Variants in OPCML observed in about 807,000 individuals in gnomAD.
OPCML encodes opioid binding protein/cell adhesion molecule like, also known as opioid-binding protein/cell adhesion molecule.
OPCML carries 13 observed loss-of-function variants against 37.8 expected under a neutral mutation model. The ratio of observed to expected loss-of-function variants is 0.34; its 90% CI spans 0.22 to 0.55. The LOEUF is 0.55. Among genes scored for constraint, OPCML ranks in the 20% least tolerant of loss-of-function variants. The pLI is 0.91. For missense variants in OPCML, 341 were observed against 435.6 expected (o/e 0.78, Z 1.93); for synonymous variants, 176 against 168.8 (o/e 1.04, Z -0.33).
chr11:132,606,306 C>G (rs1344314769), intron 3 of OPCML, among the ~76,000 whole-genome samples: 3 of 152,162 alleles, frequency 2.0e-5, no homozygotes, highest in Admixed American at 2.0e-4. Flanking sequence ...AATTAGCAGC[C>G]CCAGGAACTG....
At chr11:132,519,543 A>T (rs2096287642) in intron 4 of OPCML, among the ~76,000 whole-genome samples, 1 of 152,152 alleles carries the variant, frequency 6.6e-6, no homozygotes, top group South Asian at 2.1e-4. Flanking sequence ...AAATACAGGC[A>T]TATGTGCATG....
chr11:133,291,748 T>A (rs1176322346), intron 1 of OPCML, among the ~76,000 whole-genome samples: 1 of 152,178 alleles, frequency 6.6e-6, no homozygotes, highest in African/African-American at 2.4e-5. Context: ...GAGCACAAAT[T>A]GAACAACATT....
At chr11:132,992,967 C>T (rs1243847883) in intron 1 of OPCML, among the ~76,000 whole-genome samples, 1 of 152,120 alleles carries the variant, frequency 6.6e-6, no homozygotes, top group Non-Finnish European at 1.5e-5. Context: ...TCTTTCATCT[C>T]CGTGTATGGG....
rs377075713 is a variant in OPCML at position 132,858,434 on chromosome 11, C to T, written c.146+84492G>A. ...CCTCCCTTGCTCTGCCTGCAAGAAG[C>T]ACAGATGCCTTTGACAATGATACTT... On this transcript the variant is annotated intron_variant, in intron 2 of 7. Coordinates refer to ENST00000524381, the MANE Select transcript of OPCML (RefSeq NM_001012393.5). Among the ~76,000 whole-genome samples the T allele has an allele frequency of 4.6e-5, 7 of 152,306 alleles. No individual in the cohort carries two copies. In the East Asian group the frequency reaches 1.2e-3, roughly 25 times the overall value.
chr11:132,556,236 C>G (rs2096395302), intron 3 of OPCML, among the ~76,000 whole-genome samples: 1 of 152,140 alleles, frequency 6.6e-6, no homozygotes, highest in African/African-American at 2.4e-5. Flanking sequence ...AGCCACTGTG[C>G]CTGACCAAAA....
chr11:132,833,304 C>G (rs2136283551), intron 2 of OPCML, among the ~76,000 whole-genome samples: 1 of 152,132 alleles, frequency 6.6e-6, no homozygotes, highest in African/African-American at 2.4e-5. Context: ...AAAACTAAGA[C>G]ACAAACACGC....
At chr11:132,711,376 A>G (rs1392354411) in intron 2 of OPCML, among the ~76,000 whole-genome samples, 1 of 152,246 alleles carries the variant, frequency 6.6e-6, no homozygotes, top group Non-Finnish European at 1.5e-5. Flanking sequence ...GTTAAAGAAC[A>G]GATAGAACTG....
Position 133,004,847 on chromosome 11 carries a change from A to G in OPCML, c.62-61837T>C, listed in dbSNP as rs1947075797. 7 of 985,372 alleles carry G rather than the reference A, an allele frequency of 7.1e-6. No homozygotes were observed. In the South Asian group the frequency reaches 2.8e-4, roughly 40 times the overall value. 61.0% of individuals were successfully genotyped at this position (985,372 alleles called of 1,614,324 possible). ...ATCTACGGGAGTCAGTTCAAACACC[A>G]TCCCCAAGACAGAAATCAACGAGCT... On this transcript the variant is annotated intron_variant, in intron 1 of 7. Coordinates refer to ENST00000524381, the MANE Select transcript of OPCML (RefSeq NM_001012393.5).
chr11:132,613,450 G>A (rs1447315104), intron 3 of OPCML, among the ~76,000 whole-genome samples: 1 of 152,186 alleles, frequency 6.6e-6, no homozygotes, highest in Non-Finnish European at 1.5e-5. Context: ...ACAAAACAAA[G>A]CCAGCTAATT....
intron 1 of OPCML, among the ~76,000 whole-genome samples, chr11:133,391,190 A>C (rs142390518): frequency 1.1e-3 from 166 of 152,316 alleles, no homozygotes; most frequent in African/African-American, 3.8e-3. Context: ...GGCCCTGCTG[A>C]GCATCCATGG....
At chr11:133,194,258 G>A (rs901308931) in intron 1 of OPCML, among the ~76,000 whole-genome samples, 1 of 142,116 alleles carries the variant, frequency 7.0e-6, no homozygotes, top group Non-Finnish European at 1.5e-5. Context: ...TGCCCAGGCT[G>A]GAGTGCAATA....
chr11:133,175,554 AAC>A (rs1950359179), intron 1 of OPCML, among the ~76,000 whole-genome samples: 1 of 152,162 alleles, frequency 6.6e-6, no homozygotes, highest in African/African-American at 2.4e-5. Flanking sequence ...ATCTATCAAG[AAC>A]ACAGTTTCTC....
chr11:132,922,493 G>C (rs187228932), intron 2 of OPCML, among the ~76,000 whole-genome samples: 1 of 152,008 alleles, frequency 6.6e-6, no homozygotes, highest in African/African-American at 2.4e-5. Flanking sequence ...ACGGAGCACC[G>C]AGACCAGGAG....
intron 2 of OPCML, among the ~76,000 whole-genome samples, chr11:132,910,098 G>A (rs1260752207): frequency 6.6e-6 from 1 of 152,166 alleles, no homozygotes; most frequent in African/African-American, 2.4e-5. Flanking sequence ...TTTCCTGCAT[G>A]TGAAATCCTG....
At chr11:132,756,641 G>A (rs960699994) in intron 2 of OPCML, among the ~76,000 whole-genome samples, 6 of 152,136 alleles carry the variant, frequency 3.9e-5, no homozygotes, top group South Asian at 2.1e-4. Context: ...TATGGCTCAT[G>A]TAGAAATCAA....
intron 1 of OPCML, among the ~76,000 whole-genome samples, chr11:133,096,296 G>C (rs1185803382): frequency 1.3e-5 from 2 of 151,924 alleles, no homozygotes; most frequent in Admixed American, 1.3e-4. Flanking sequence ...TTATATTAAA[G>C]TTGACATAAA....
intron 3 of OPCML, among the ~76,000 whole-genome samples, chr11:132,562,855 G>A (rs923470150): frequency 6.6e-6 from 1 of 152,120 alleles, no homozygotes; most frequent in Non-Finnish European, 1.5e-5. Flanking sequence ...TAAAAAGCAG[G>A]CAAAGCTCAA....
intron 1 of OPCML, among the ~76,000 whole-genome samples, chr11:133,087,203 G>A (rs977831940): frequency 2.0e-5 from 3 of 152,280 alleles, no homozygotes; most frequent in African/African-American, 4.8e-5. Context: ...CAACATTATC[G>A]TTATATTTAC....
rs192684687 is a variant in OPCML, at chr11:132,513,545, G to A, written c.505+15516C>T. 2.8e-3 allele frequency among the ~76,000 whole-genome samples: 424 copies of A among 152,184 alleles called. 5 individuals are homozygous for A. The highest frequency in any genetic ancestry group is 8.7e-3 in the African/African-American group (362 of 41,524). On this transcript the variant is annotated intron_variant, in intron 4 of 7. Transcript: ENST00000524381. The stretch of plus-strand genomic sequence containing the variant: ...GGATTACAACAAGTTCATACTTTAT[G>A]CTTCAATAAGAAAAAATGAATTTTA...
Sources: allele counts gnomAD v4.1 joint callset (sites outside exome capture counted in the v4.1 genomes callset), GRCh38; gene constraint gnomAD v4.1.1; transcripts MANE v1.5; gene names NCBI Gene and HGNC (gene_info 2026-07-23, HGNC 2026-07-21).